MAML2: variants seen among roughly 807,000 people sequenced by gnomAD.
MAML2 encodes the protein mastermind like transcriptional coactivator 2.
In MAML2, 22 loss-of-function variants were observed where a neutral mutation model predicts 96.1. The observed-to-expected ratio is 0.23, with a 90% confidence interval of 0.16 to 0.33. The LOEUF is 0.33. Among genes scored for constraint, MAML2 ranks in the 10% least tolerant of loss-of-function variants. The pLI is 1.00. For synonymous variants in MAML2, 561 were observed against 521.3 expected, an observed-to-expected ratio of 1.08 and a Z score of -1.04; for missense variants, 1,367 against 1,392.4, an observed-to-expected ratio of 0.98 and a Z score of 0.29.
At chr11:96,206,866 G>A (rs916415334) in intron 1 of MAML2, among the ~76,000 whole-genome samples, 5 of 152,062 alleles carry the variant, frequency 3.3e-5, no homozygotes, top group East Asian at 1.9e-4. Context: ...AAGGAGCACC[G>A]GGAAAACAAA....
intron 1 of MAML2, among the ~76,000 whole-genome samples, chr11:96,265,878 T>G (rs1271115317): frequency 6.6e-6 from 1 of 152,136 alleles, no homozygotes; most frequent in Non-Finnish European, 1.5e-5. Context: ...AATAAAACCT[T>G]GCACTCATTC....
intron 4 of MAML2, among the ~76,000 whole-genome samples, chr11:95,982,742 G>A (rs1462523357): frequency 2.0e-5 from 3 of 152,154 alleles, no homozygotes; most frequent in Admixed American, 6.5e-5. Context: ...TTTAAGTACA[G>A]TATGCACTGC....
intron 2 of MAML2, among the ~76,000 whole-genome samples, chr11:96,085,803 G>GA (rs56987123): frequency 0.15 from 22,913 of 152,140 alleles, 1,851 homozygotes; most frequent in Middle Eastern, 0.23. Flanking sequence ...TGATCCCAAG[G>GA]CTAACATGTT....
intron 1 of MAML2, among the ~76,000 whole-genome samples, chr11:96,145,691 C>T (rs551253326): frequency 6.6e-6 from 1 of 152,144 alleles, no homozygotes; most frequent in Non-Finnish European, 1.5e-5. Context: ...CTGATAAAAT[C>T]ATGATGTGTG....
chr11:96,046,294 G>C (rs1858900923), intron 2 of MAML2, among the ~76,000 whole-genome samples: 2 of 152,032 alleles, frequency 1.3e-5, no homozygotes, highest in Admixed American at 6.5e-5. Flanking sequence ...CATAGCCGGG[G>C]AGCTGGCAGA....
At chr11:96,277,565 A>G (rs1404613695) in intron 1 of MAML2, among the ~76,000 whole-genome samples, 1 of 152,130 alleles carries the variant, frequency 6.6e-6, no homozygotes, top group East Asian at 1.9e-4. Flanking sequence ...CAGCCTGGCC[A>G]ACATGGTGAA....
chr11:96,211,357 T>C (rs1861968408), intron 1 of MAML2, among the ~76,000 whole-genome samples: 1 of 151,830 alleles, frequency 6.6e-6, no homozygotes, highest in Non-Finnish European at 1.5e-5. Flanking sequence ...CTGATCTTAA[T>C]AATTGTCGTA....
intron 1 of MAML2, among the ~76,000 whole-genome samples, chr11:96,112,862 A>G (rs1381089293): frequency 3.3e-5 from 5 of 152,246 alleles, no homozygotes; most frequent in Admixed American, 2.6e-4. Flanking sequence ...CAGAAAAAGA[A>G]AGGCAAGAAA....
chr11:96,207,726 T>C (rs1412298110), intron 1 of MAML2, among the ~76,000 whole-genome samples: 1 of 152,202 alleles, frequency 6.6e-6, no homozygotes, highest in African/African-American at 2.4e-5. Context: ...CCAGTGATGA[T>C]TACAAAATAC....
chr11:96,202,648 A>G (rs191648723), intron 1 of MAML2, among the ~76,000 whole-genome samples: 217 of 151,694 alleles, frequency 1.4e-3, no homozygotes, highest in Non-Finnish European at 2.1e-3. Flanking sequence ...TTTTTTTGAA[A>G]CGGATTTTCG....
intron 1 of MAML2, among the ~76,000 whole-genome samples, chr11:96,292,044 C>T (rs567615741): frequency 2.6e-5 from 4 of 152,216 alleles, no homozygotes; most frequent in Non-Finnish European, 5.9e-5. Context: ...AAATTTGTCT[C>T]ATAACTTAGC....
chr11:95,986,022 A>T (rs1565181400), intron 3 of MAML2, among the ~76,000 whole-genome samples: 1 of 151,640 alleles, frequency 6.6e-6, no homozygotes, highest in Non-Finnish European at 1.5e-5. Context: ...AACACCAAAC[A>T]CCCCCCTCTC....
Position 96,091,964 on chromosome 11 carries a change from C to A in MAML2, c.2067G>T (p.Lys689Asn), listed in dbSNP as rs548952379. The change falls in exon 2 of 5, where the codon AAG becomes AAT. Residue 689 changes from lysine to asparagine, a missense_variant. Physicochemically the swap from Lys to Asn is moderately conservative, Grantham distance 94 (BLOSUM62 0). Transcript: ENST00000524717. ...GATTCTGCATTTGCTGAAGTAGGAG[C>A]TTTTGCTGAAGTGGCAAAGGTGACC... ...LLRSPLPLQQ[K>N]LLLQQMQNQP... The A allele has an allele frequency of 1.9e-6, 3 of 1,610,046 alleles. No homozygotes were observed. In the African/African-American group the frequency reaches 4.0e-5, roughly 21 times the overall value.
At position 95,979,648 on chromosome 11, in the gene MAML2, G is replaced by T. The variant is rs1184302382; in HGVS notation, c.2771C>A (p.Thr924Asn). ...ATTACCAACAGATCCAGCTCCAAAA[G>T]TGGCTACATTGTTATTATTACTTGG... is the stretch of plus-strand genomic sequence containing the variant. ...LGPSNNNNVATFGAGSVGNSQ... is the reference protein window; with the variant it reads ...LGPSNNNNVANFGAGSVGNSQ... Residue 924 changes from threonine (T) to asparagine (N), a missense_variant, in exon 5 of 5, where the codon ACT becomes AAT. By Grantham distance (65) the Thr-to-Asn change is moderately conservative (BLOSUM62 0). Transcript: ENST00000524717. The T allele has an allele frequency of 6.2e-7, 1 of 1,613,956 alleles. No individual in the cohort carries two copies. The highest frequency in any genetic ancestry group is 1.1e-5 in the South Asian group (1 of 91,078).
At chr11:96,210,389 A>G (rs548463021) in intron 1 of MAML2, among the ~76,000 whole-genome samples, 1 of 152,208 alleles carries the variant, frequency 6.6e-6, no homozygotes, top group Non-Finnish European at 1.5e-5. Flanking sequence ...GATTACAGGC[A>G]TGAGCCACTG....
intron 2 of MAML2, among the ~76,000 whole-genome samples, chr11:96,074,310 G>A (rs1590995831): frequency 6.6e-6 from 1 of 152,154 alleles, no homozygotes. Context: ...TACAGCAGGT[G>A]TGTGAAGGAC....
intron 2 of MAML2, among the ~76,000 whole-genome samples, chr11:96,034,782 C>T (rs1314677177): frequency 6.6e-6 from 1 of 152,064 alleles, no homozygotes; most frequent in East Asian, 1.9e-4. Flanking sequence ...TCAGACTATC[C>T]ACTATAAATT....
At chr11:96,240,991 T>C (rs1862431559) in intron 1 of MAML2, among the ~76,000 whole-genome samples, 1 of 152,176 alleles carries the variant, frequency 6.6e-6, no homozygotes, top group Admixed American at 6.5e-5. Context: ...CTAGAAACAC[T>C]ACTAGACTAA....
rs151157573 is a variant in MAML2, at chr11:96,005,045, T to A, written c.2140-13322A>T. ...CTACCACCATGGAAGAATGCCATGATGAGAAGGCACCTAATCAGTGGAACA... is the reference window on the plus strand; with the variant it reads ...CTACCACCATGGAAGAATGCCATGAAGAGAAGGCACCTAATCAGTGGAACA... On this transcript the variant is annotated intron_variant, in intron 2 of 4. Transcript: ENST00000524717. Among the ~76,000 whole-genome samples the A allele has an allele frequency of 3.4e-3, 521 of 152,288 alleles. 6 individuals are homozygous for A. Among genetic ancestry groups the A allele is most frequent in the African/African-American group, 0.011 (458 of 41,566 alleles).
Sources: gnomAD v4.1 joint callset for allele counts (sites outside exome capture counted in the v4.1 genomes callset) on GRCh38, gnomAD v4.1.1 for gene constraint, MANE v1.5 for transcripts, NCBI Gene and HGNC (gene_info 2026-07-23, HGNC 2026-07-21) for gene names.